Variants in HLCS observed in about 807,000 individuals in gnomAD.
The protein encoded by HLCS is biotin--protein ligase.
In HLCS, 53 loss-of-function variants were observed where a neutral mutation model predicts 75.0. The observed-to-expected ratio is 0.71, with a 90% confidence interval of 0.57 to 0.89. The LOEUF (loss-of-function observed/expected upper bound fraction) is 0.89. Among genes scored for constraint, HLCS ranks in the 40% least tolerant of loss-of-function variants. The pLI is 0.00. For missense variants in HLCS, 966 were observed against 1,074.0 expected, an observed-to-expected ratio of 0.90 and a Z score of 1.41; for synonymous variants, 431 against 428.6, an observed-to-expected ratio of 1.01 and a Z score of -0.07.
chr21:36,795,497 C>G (rs1288211286), intron 6 of HLCS, among the ~76,000 whole-genome samples: 1 of 152,234 alleles, frequency 6.6e-6, no homozygotes, highest in South Asian at 2.1e-4. Context: ...AGTTGCTATG[C>G]TCCATACTCT....
chr21:36,811,526 C>T (rs931359442), intron 6 of HLCS, among the ~76,000 whole-genome samples: 2 of 152,192 alleles, frequency 1.3e-5, no homozygotes, highest in African/African-American at 4.8e-5. Context: ...AATGCCCTCC[C>T]TGCTGCTGTT....
intron 6 of HLCS, among the ~76,000 whole-genome samples, chr21:36,777,833 G>C (rs963451812): frequency 3.3e-5 from 5 of 152,210 alleles, no homozygotes; most frequent in Non-Finnish European, 7.3e-5. Flanking sequence ...TATGTGGTTT[G>C]TGCTGGGTTT....
intron 5 of HLCS, among the ~76,000 whole-genome samples, chr21:36,916,820 T>C (rs547626250): frequency 7.7e-4 from 117 of 152,220 alleles, no homozygotes; most frequent in Admixed American, 1.7e-3. Context: ...GGCTACTGCT[T>C]TTACTTCAAA....
At chr21:36,989,466 G>A (rs2069298450) in intron 1 of HLCS, among the ~76,000 whole-genome samples, 1 of 151,484 alleles carries the variant, frequency 6.6e-6, no homozygotes, top group Admixed American at 6.6e-5. Context: ...TGGGATTACA[G>A]GAGCACCACC....
At chr21:36,956,469 T>A (rs753498826) in intron 2 of HLCS, among the ~76,000 whole-genome samples, 1 of 152,094 alleles carries the variant, frequency 6.6e-6, no homozygotes, top group Non-Finnish European at 1.5e-5. Context: ...TGGCTCACAC[T>A]TGTAATCCCA....
intron 6 of HLCS, among the ~76,000 whole-genome samples, chr21:36,802,069 TTC>T (rs1182324115): frequency 6.6e-6 from 1 of 152,202 alleles, no homozygotes; most frequent in Non-Finnish European, 1.5e-5. Flanking sequence ...GCAAATAATA[TTC>T]TCTTTCAAAA....
At chr21:36,914,703 C>A (rs2065856660) in intron 5 of HLCS, among the ~76,000 whole-genome samples, 1 of 152,212 alleles carries the variant, frequency 6.6e-6, no homozygotes, top group Non-Finnish European at 1.5e-5. Context: ...GTGCAGAGAC[C>A]AAAGAGAAAG....
In HLCS at chr21:36,933,941, G is replaced by A. The variant is rs187918427; in HGVS notation, c.1437+2508C>T. Among the ~76,000 whole-genome samples, 382 of 152,294 alleles carry A rather than the reference G, an allele frequency of 2.5e-3. 2 individuals carry two copies. Among genetic ancestry groups the A allele is most frequent in the South Asian group, 0.011 (54 of 4,820 alleles). ...AGCGGGCGGAGTTCCTGGAGACAAGGGGGAAGATGGCCGCTGAAACCCCGA... is the reference window on the plus strand; with the variant it reads ...AGCGGGCGGAGTTCCTGGAGACAAGAGGGAAGATGGCCGCTGAAACCCCGA... On this transcript the variant is annotated intron_variant, in intron 4 of 10. Transcript: ENST00000674895.
rs753498826 is a variant in HLCS, at chr21:36,956,469, T to C, written c.330+5567A>G. ...GTAGGCCAGGTGTGGTGGCTCACAC[T>C]TGTAATCCCAGCACTTTGGGAGGCC... On this transcript the variant is annotated intron_variant, in intron 2 of 10. Coordinates refer to ENST00000674895, the MANE Select transcript of HLCS (RefSeq NM_001352514.2). 7.9e-5 allele frequency among the ~76,000 whole-genome samples: 12 copies of C among 152,208 alleles called. No homozygotes were observed. The East Asian group carries it at 9.6e-4, about 12-fold the overall frequency.
intron 6 of HLCS, among the ~76,000 whole-genome samples, chr21:36,826,017 G>A (rs1240910999): frequency 3.3e-5 from 5 of 151,562 alleles, no homozygotes; most frequent in African/African-American, 1.2e-4. Flanking sequence ...AGGAATTAGA[G>A]TAAGAAGTTA....
At chr21:36,757,439 C>A (rs1234855183) in intron 9 of HLCS, among the ~76,000 whole-genome samples, 1 of 152,174 alleles carries the variant, frequency 6.6e-6, no homozygotes, top group Non-Finnish European at 1.5e-5. Flanking sequence ...ACTATCCTCT[C>A]CAGGCAGAGG....
At chr21:36,954,164 G>A (rs6517396) in intron 2 of HLCS, among the ~76,000 whole-genome samples, 2,918 of 152,082 alleles carry the variant, frequency 0.019, 82 homozygotes, top group African/African-American at 0.067. Flanking sequence ...AAATTAGCCG[G>A]GCATGGTGGC....
At chr21:36,979,956 G>T (rs2069063295) in intron 1 of HLCS, among the ~76,000 whole-genome samples, 2 of 146,678 alleles carry the variant, frequency 1.4e-5, no homozygotes, top group Non-Finnish European at 3.0e-5. Flanking sequence ...TCCTGGGGAG[G>T]TCGAGGCTGC....
At chr21:36,910,518 C>T (rs1488365762) in intron 5 of HLCS, among the ~76,000 whole-genome samples, 1 of 149,480 alleles carries the variant, frequency 6.7e-6, no homozygotes, top group Non-Finnish European at 1.5e-5. Context: ...TGCACTCCAG[C>T]ATGGGGGACA....
chr21:36,961,961 A>AAC, intron 2 of HLCS, 75 bp downstream of exon 2: 1 of 1,051,454 alleles, frequency 9.5e-7, no homozygotes, highest in Non-Finnish European at 1.3e-6. Flanking sequence ...CTCAGGAAAA[A>AAC]AAAAAAAAAA....
rs545500736 is a variant in HLCS at position 36,874,767 on chromosome 21, C to T, written c.1892+22093G>A. ...AACACAGGCCAGGAATGGGCGGGAG[C>T]CCTGCCCCCTACCAAGTCGGCTGGG... On this transcript the variant is annotated intron_variant, in intron 6 of 10. Transcript: ENST00000674895. 1.6e-4 allele frequency among the ~76,000 whole-genome samples: 25 copies of T among 152,260 alleles called. 1 individual carries two copies. In the South Asian group the frequency reaches 5.2e-3, roughly 32 times the overall value.
intron 5 of HLCS, among the ~76,000 whole-genome samples, chr21:36,917,911 C>T (rs16994586): frequency 0.054 from 7,986 of 147,374 alleles, 688 homozygotes; most frequent in African/African-American, 0.18. Flanking sequence ...CTTTGGACCA[C>T]GTAAATCACC....
chr21:36,790,569 C>G (rs762326285), intron 6 of HLCS, among the ~76,000 whole-genome samples: 5 of 152,234 alleles, frequency 3.3e-5, no homozygotes, highest in Non-Finnish European at 7.3e-5. Context: ...GAAACAACCA[C>G]ATAGACATAT....
intron 6 of HLCS, among the ~76,000 whole-genome samples, chr21:36,823,839 A>G (rs2061925709): frequency 6.6e-6 from 1 of 152,130 alleles, no homozygotes; most frequent in African/African-American, 2.4e-5. Flanking sequence ...TCCCCCTCCC[A>G]TTCTTGGAGG....
Sources: gnomAD v4.1 joint callset for allele counts (sites outside exome capture counted in the v4.1 genomes callset) on GRCh38, gnomAD v4.1.1 for gene constraint, MANE v1.5 for transcripts, NCBI Gene and HGNC (gene_info 2026-07-23, HGNC 2026-07-21) for gene names.